The following ZBBX variants were observed in gnomAD, a reference collection of about 807,000 sequenced individuals.
The protein encoded by ZBBX is zinc finger B-box domain containing, also known as zinc finger B-box domain-containing protein 1.
Under a neutral mutation model 108.5 loss-of-function variants are expected in ZBBX, and 101 were observed. The observed-to-expected ratio is 0.93, with a 90% CI of 0.79 to 1.10. The LOEUF is 1.10. Ranked by LOEUF, ZBBX falls within the 50% of genes least tolerant of loss-of-function variation. ZBBX has a pLI of 0.00. For synonymous variants in ZBBX, 356 were observed against 323.4 expected (o/e 1.10, Z -1.08); for missense variants, 1,009 against 941.4 (o/e 1.07, Z -0.94).
the ZBBX span, among the ~76,000 whole-genome samples, chr3:167,209,343 G>A: frequency 6.6e-6 from 1 of 152,030 alleles, no homozygotes; most frequent in Non-Finnish European, 1.5e-5. Flanking sequence ...GGTGGCCACA[G>A]GGGTACTTGT....
At chr3:167,261,778 A>C (rs1328771362) in intron 20 of ZBBX, among the ~76,000 whole-genome samples, 1 of 9,152 alleles carries the variant, frequency 1.1e-4, no homozygotes, top group African/African-American at 7.1e-4. Flanking sequence ...CCAACTGCAA[A>C]AAAAAAAAAA....
chr3:167,257,153 T>G (rs928253433), intron 20 of ZBBX, among the ~76,000 whole-genome samples: 3 of 152,162 alleles, frequency 2.0e-5, no homozygotes, highest in African/African-American at 7.2e-5. Flanking sequence ...CTGTCTTTTG[T>G]ATAAAAATTT....
At chr3:167,321,398 A>T (rs536797308) in intron 12 of ZBBX, among the ~76,000 whole-genome samples, 1 of 152,044 alleles carries the variant, frequency 6.6e-6, no homozygotes, top group East Asian at 1.9e-4. Context: ...AACAGATTAC[A>T]GTTCAATGAA....
At chr3:167,393,338 T>C (rs886852818) in intron 1 of ZBBX, among the ~76,000 whole-genome samples, 1 of 151,912 alleles carries the variant, frequency 6.6e-6, no homozygotes, top group Non-Finnish European at 1.5e-5. Context: ...CAGCTTAAGC[T>C]CCTTTTAGCA....
rs566516743 is a variant in ZBBX at position 167,302,517 on chromosome 3, T to C, written c.1725+3126A>G. Among the ~76,000 whole-genome samples, 4 of 152,190 alleles carry C rather than the reference T, an allele frequency of 2.6e-5. No individual in the cohort carries two copies. In the South Asian group the frequency reaches 8.3e-4, roughly 32 times the overall value. ...CCCCCACCCCATGTTTTAAGCAGGT[T>C]TCTGGTAAAATAACTATACACACAC... On this transcript the variant is annotated intron_variant, in intron 17 of 21. Coordinates refer to ENST00000675490, the MANE Select transcript of ZBBX (RefSeq NM_001199201.2).
Position 167,298,456 on chromosome 3 carries a change from CAACTAAGAA to C in ZBBX, c.1726-7_1727del, listed in dbSNP as rs1422107490. 1.3e-6 allele frequency: 2 copies of C among 1,483,244 alleles called. No homozygotes were observed. Among genetic ancestry groups the C allele is most frequent in the Admixed American group, 4.3e-5 (2 of 46,340 alleles). The allele number at this position is 1,483,244 out of a possible 1,614,324, so 91.9% of individuals were successfully genotyped here. The stretch of plus-strand genomic sequence containing the variant: ...TACTTCTGCAGGCTATTTCTTGTAA[CAACTAAGAA>C]ACAAAATATTCAACAATATTATTTT... On this transcript the variant is annotated splice_acceptor_variant and splice_polypyrimidine_tract_variant and coding_sequence_variant and intron_variant, in exon 18 of 22. Transcript: ENST00000675490. LOFTEE classifies it high-confidence loss of function.
chr3:167,301,774 G>T (rs1395603226), intron 17 of ZBBX, among the ~76,000 whole-genome samples: 1 of 151,906 alleles, frequency 6.6e-6, no homozygotes, highest in Non-Finnish European at 1.5e-5. Context: ...TGGCTAACAC[G>T]ATGAAACCCC....
intron 11 of ZBBX, 127 bp from the exon 12 acceptor site, chr3:167,322,364 T>A: frequency 1.4e-6 from 1 of 697,212 alleles, no homozygotes; most frequent in African/African-American, 1.9e-5. Context: ...ATACAATCAA[T>A]AGGTTAAGGT....
At chr3:167,213,098 C>A in the ZBBX span, among the ~76,000 whole-genome samples, 1 of 152,148 alleles carries the variant, frequency 6.6e-6, no homozygotes, top group Non-Finnish European at 1.5e-5. Flanking sequence ...GAGAAAGAAC[C>A]AATGCAAGAA....
At chr3:167,234,579 T>C in the ZBBX span, among the ~76,000 whole-genome samples, 3 of 151,886 alleles carry the variant, frequency 2.0e-5, no homozygotes, top group Non-Finnish European at 2.9e-5. Context: ...ATAGCGTCCC[T>C]TAAATGTGAC....
chr3:167,356,514 T>C (rs1215274646), intron 8 of ZBBX, among the ~76,000 whole-genome samples: 2 of 152,132 alleles, frequency 1.3e-5, no homozygotes, highest in African/African-American at 2.4e-5. Context: ...TTAGTATACA[T>C]AACCATTAAA....
chr3:167,347,096 T>C (rs1425325760), intron 9 of ZBBX, among the ~76,000 whole-genome samples: 1 of 151,956 alleles, frequency 6.6e-6, no homozygotes, highest in East Asian at 1.9e-4. Context: ...GTGGTTATTA[T>C]AACAGGCATG....
At chr3:167,189,440 T>G in the ZBBX span, among the ~76,000 whole-genome samples, 1 of 152,238 alleles carries the variant, frequency 6.6e-6, no homozygotes, top group Admixed American at 6.5e-5. Context: ...GTTTCAAAAA[T>G]AATTCTGAAG....
chr3:167,181,849 AGGG>A, the ZBBX span, among the ~76,000 whole-genome samples: 1 of 152,190 alleles, frequency 6.6e-6, no homozygotes, highest in Admixed American at 6.5e-5. Context: ...CCCGCTGGCA[AGGG>A]TCTATAGACT....
At chr3:167,297,525 G>C (rs75474917) in intron 18 of ZBBX, among the ~76,000 whole-genome samples, 2,615 of 151,934 alleles carry the variant, frequency 0.017, 74 homozygotes, top group African/African-American at 0.059. Flanking sequence ...CACAAAAGTA[G>C]ACAAATTGGA....
At chr3:167,242,353 A>G (rs1720824680) in intron 21 of ZBBX, 152 bp downstream of exon 21, 1 of 601,520 alleles carries the variant, frequency 1.7e-6, no homozygotes, top group East Asian at 3.1e-5. Flanking sequence ...TCGATAATAG[A>G]TCAGCAAAGG....
Position 167,257,139 on chromosome 3 carries a change from T to C in ZBBX, c.2255-14496A>G, listed in dbSNP as rs756592646. Among the ~76,000 whole-genome samples, 54 of 152,176 alleles carry C rather than the reference T, an allele frequency of 3.5e-4. 1 individual carries two copies. Among genetic ancestry groups the C allele is most frequent in the Non-Finnish European group, 6.2e-4 (42 of 67,994 alleles). On this transcript the variant is annotated intron_variant, in intron 20 of 21. Transcript: ENST00000675490. ...TCCACATGCTTGCCAGCAGGCTTTA[T>C]TGCCTGTCTTTTGTATAAAAATTTT...
chr3:167,204,108 A>G, the ZBBX span, among the ~76,000 whole-genome samples: 1 of 152,246 alleles, frequency 6.6e-6, no homozygotes, highest in East Asian at 1.9e-4. Flanking sequence ...TATCACATGG[A>G]AAACTTCCAA....
Position 167,306,763 on chromosome 3 carries a change from T to C in ZBBX, c.1418-813A>G, listed in dbSNP as rs148775690. Among the ~76,000 whole-genome samples the C allele has an allele frequency of 2.6e-5, 4 of 152,314 alleles. No individual in the cohort carries two copies. In the East Asian group the frequency reaches 7.7e-4, roughly 29 times the overall value. ...AATTCTTTGAATGTTTATACCATAC[T>C]ACTTTCATTTTAAATAAATGTACAC... On this transcript the variant is annotated intron_variant, in intron 16 of 21. Coordinates refer to ENST00000675490, the MANE Select transcript of ZBBX (RefSeq NM_001199201.2).
Sources: allele counts gnomAD v4.1 joint callset (sites outside exome capture counted in the v4.1 genomes callset), GRCh38; gene constraint gnomAD v4.1.1; transcripts MANE v1.5; gene names NCBI Gene and HGNC (gene_info 2026-07-23, HGNC 2026-07-21).